Variants in CACNA1C observed in about 807,000 individuals in gnomAD.
The protein encoded by CACNA1C is calcium voltage-gated channel subunit alpha1 C.
CACNA1C carries 30 observed loss-of-function variants against 229.0 expected under a neutral mutation model. The observed-to-expected ratio is 0.13, with a 90% CI of 0.10 to 0.18. The LOEUF is 0.18. CACNA1C is among the 10% of genes least tolerant of loss of function. CACNA1C has a pLI of 1.00. For synonymous variants in CACNA1C, 1,114 were observed against 1,132.5 expected, an observed-to-expected ratio of 0.98 and a Z score of 0.33; for missense variants, 1,658 against 2,845.0, an observed-to-expected ratio of 0.58 and a Z score of 9.49.
intron 3 of CACNA1C, among the ~76,000 whole-genome samples, chr12:2,126,770 C>T (rs1275977694): frequency 6.6e-6 from 1 of 152,214 alleles, no homozygotes; most frequent in Non-Finnish European, 1.5e-5. Flanking sequence ...AGAGTTGCCT[C>T]ATAACCTGGC....
intron 46 of CACNA1C, chr12:2,690,334 TTTGG>T (rs1464770545): frequency 1.3e-5 from 2 of 153,056 alleles, no homozygotes; most frequent in Non-Finnish European, 2.9e-5. Flanking sequence ...TGGTTTTTGT[TTTGG>T]TTGTTTTTTG....
chr12:2,053,537 C>T lies in CACNA1C; in HGVS notation c.-26C>T, dbSNP rs373824100. ...ACATTTCTTCCTCTTCGTGGCTGCT[C>T]CTCCTATTAAAACCATTTTTGGTCC... On this transcript the variant is annotated 5_prime_UTR_variant, in exon 1 of 47. Transcript: ENST00000399655. The surrounding 1 kb of genome is among the most constrained non-coding windows in gnomAD (Gnocchi z 5.8). The T allele has an allele frequency of 3.8e-6, 6 of 1,577,162 alleles. No individual in the cohort carries two copies. The highest frequency in any genetic ancestry group is 3.5e-5 in the South Asian group (3 of 85,336).
At chr12:1,986,453 T>C (rs1454197159) in intron 1 of CACNA1C, among the ~76,000 whole-genome samples, 3 of 152,072 alleles carry the variant, frequency 2.0e-5, no homozygotes, top group Non-Finnish European at 4.4e-5. Flanking sequence ...AAAATAAAAA[T>C]ACATAATGGG....
chr12:2,534,472 G>A (rs1026964591), intron 9 of CACNA1C, among the ~76,000 whole-genome samples: 7 of 152,170 alleles, frequency 4.6e-5, no homozygotes, highest in East Asian at 1.9e-4. Flanking sequence ...TCTCTGTGCC[G>A]AGAGTCCCCT....
In CACNA1C at chr12:2,346,380, A is replaced by G. The variant is rs768627207; in HGVS notation, c.478-102596A>G. Among the ~76,000 whole-genome samples, 12 of 151,750 alleles carry G rather than the reference A, an allele frequency of 7.9e-5. No homozygotes were observed. The highest frequency in any genetic ancestry group is 3.3e-4 in the Admixed American group (5 of 15,242). ...TCTGTGTTTGTGTGTTTGTGTGTCT[A>G]TGTCTGTGTTTGGGCAAGACTGTGT... is the stretch of plus-strand genomic sequence containing the variant. On this transcript the variant is annotated intron_variant, in intron 3 of 46. Coordinates refer to ENST00000399655, the MANE Select transcript of CACNA1C (RefSeq NM_000719.7). The surrounding 1 kb of genome is among the most constrained non-coding windows in gnomAD (Gnocchi z 4.4).
rs150777919 is a variant in CACNA1C at position 2,648,453 on chromosome 12, C to G, written c.3913-22C>G. On this transcript the variant is annotated intron_variant, in intron 30 of 46. Coordinates refer to ENST00000399655, the MANE Select transcript of CACNA1C (RefSeq NM_000719.7). ...TCATGGGAGACTCATTACAGCTTAT[C>G]TCTATCTGCCTTTCTTTAAAGCCAG... 802 of 1,612,928 alleles carry G rather than the reference C, an allele frequency of 5.0e-4. 8 individuals are homozygous for G. In the East Asian group the frequency reaches 0.016, roughly 32 times the overall value.
At position 2,689,041 on chromosome 12, in the gene CACNA1C, C is replaced by T. The variant is rs886206301; in HGVS notation, c.6117+262C>T. Among the ~76,000 whole-genome samples the T allele has an allele frequency of 6.6e-6, 1 of 152,220 alleles. No individual in the cohort carries two copies. The highest frequency in any genetic ancestry group is 2.4e-5 in the African/African-American group (1 of 41,466). On this transcript the variant is annotated intron_variant, in intron 46 of 46. Coordinates refer to ENST00000399655, the MANE Select transcript of CACNA1C (RefSeq NM_000719.7). This position sits in a 1 kb window ranked among gnomAD's most constrained non-coding sequence, Gnocchi z 4.2. The stretch of plus-strand genomic sequence containing the variant: ...GAGCAACTTATCCCTTATACTGCAG[C>T]TGCTCGACATGCAAATGTGAGCCTG...
chr12:2,210,634 A>T (rs1566419603), intron 3 of CACNA1C, among the ~76,000 whole-genome samples: 1 of 152,230 alleles, frequency 6.6e-6, no homozygotes, highest in Non-Finnish European at 1.5e-5. Flanking sequence ...GTTGAGGCAA[A>T]CATTATCAAT....
chr12:2,521,649 C>T (rs2099810200), intron 9 of CACNA1C, among the ~76,000 whole-genome samples: 1 of 152,208 alleles, frequency 6.6e-6, no homozygotes, highest in Non-Finnish European at 1.5e-5. Flanking sequence ...CTCTCCTGTG[C>T]CCTTCCACAG....
chr12:2,018,466 T>C (rs1482670201), intron 1 of CACNA1C, among the ~76,000 whole-genome samples: 1 of 152,060 alleles, frequency 6.6e-6, no homozygotes, highest in Non-Finnish European at 1.5e-5. Context: ...CACAAACTAG[T>C]ACAAGCTGGC....
chr12:2,186,688 G>A (rs1411388213), intron 3 of CACNA1C, among the ~76,000 whole-genome samples: 1 of 152,136 alleles, frequency 6.6e-6, no homozygotes, highest in African/African-American at 2.4e-5. Flanking sequence ...ATCATAATGG[G>A]ATTTCTTAAG....
At chr12:2,093,592 T>C (rs1324094197) in intron 1 of CACNA1C, among the ~76,000 whole-genome samples, 1 of 152,208 alleles carries the variant, frequency 6.6e-6, no homozygotes, top group African/African-American at 2.4e-5. Context: ...TGTGGGGTCA[T>C]GTGGGGGACT....
chr12:2,025,566 C>A (rs1205514420), intron 1 of CACNA1C, among the ~76,000 whole-genome samples: 3 of 152,182 alleles, frequency 2.0e-5, no homozygotes, highest in Admixed American at 2.0e-4. Context: ...TTTGGGCCGT[C>A]CTGTTTTCCT....
rs928937539 is a variant in CACNA1C, at chr12:2,137,148, C to T, written c.477+16718C>T. ...TGTGCACCCTAGGCCCCACTGGAGA[C>T]GTGGAAACATCGAAGAGCTACGGCC... On this transcript the variant is annotated intron_variant, in intron 3 of 46. Transcript: ENST00000399655. Among the ~76,000 whole-genome samples, 13 of 151,342 alleles carry T rather than the reference C, an allele frequency of 8.6e-5. No individual in the cohort carries two copies. The South Asian group carries it at 1.1e-3, about 12-fold the overall frequency.
chr12:2,193,772 T>G (rs1598693566), intron 3 of CACNA1C, among the ~76,000 whole-genome samples: 1 of 152,350 alleles, frequency 6.6e-6, no homozygotes, highest in Admixed American at 6.5e-5. Context: ...TGGGGAAGAT[T>G]ATGATTGGAA....
chr12:2,535,028 C>T (rs1013755803), intron 9 of CACNA1C, among the ~76,000 whole-genome samples: 2 of 152,186 alleles, frequency 1.3e-5, no homozygotes, highest in East Asian at 1.9e-4. Flanking sequence ...CTCCCTGGGT[C>T]TTTGCCTGTA....
chr12:2,628,731 A>T (rs1230886981), intron 29 of CACNA1C, among the ~76,000 whole-genome samples: 1 of 119,696 alleles, frequency 8.4e-6, no homozygotes, highest in Non-Finnish European at 1.7e-5. Flanking sequence ...ACATAGCAAG[A>T]CCTCATCTCT....
intron 24 of CACNA1C, 57 bp from the exon 25 acceptor site, chr12:2,606,554 T>G: frequency 2.1e-6 from 3 of 1,423,752 alleles, no homozygotes; most frequent in South Asian, 1.2e-5. Context: ...ACTAATTGCT[T>G]TTGGATTGAC....
chr12:2,584,767 T>A, intron 16 of CACNA1C, 150 bp downstream of exon 16: 1 of 598,556 alleles, frequency 1.7e-6, no homozygotes, highest in South Asian at 2.3e-5. Flanking sequence ...AAGTTGGGCC[T>A]CTCTCCTAAT....
Sources: allele counts gnomAD v4.1 joint callset (sites outside exome capture counted in the v4.1 genomes callset), GRCh38; gene constraint gnomAD v4.1.1; non-coding constraint Gnocchi (gnomAD v3.1); transcripts MANE v1.5; gene names NCBI Gene and HGNC (gene_info 2026-07-23, HGNC 2026-07-21).